Variants in PCDHA11 observed in about 807,000 individuals in gnomAD.
PCDHA11 encodes protocadherin alpha-11.
PCDHA11 carries 61 observed loss-of-function variants against 70.3 expected under a neutral mutation model. That is an observed-to-expected ratio of 0.87 (90% CI 0.71 to 1.07). The LOEUF (loss-of-function observed/expected upper bound fraction) is 1.07, where lower values mean the gene tolerates loss of function less well. Ranked by LOEUF, PCDHA11 falls within the 50% of genes least tolerant of loss-of-function variation. PCDHA11 has a pLI of 0.00. For synonymous variants in PCDHA11, 633 were observed against 555.1 expected, an observed-to-expected ratio of 1.14 and a Z score of -1.97; for missense variants, 1,324 against 1,237.5, an observed-to-expected ratio of 1.07 and a Z score of -1.05.
intron 3 of PCDHA11, among the ~76,000 whole-genome samples, chr5:140,997,260 T>G (rs1364203100): frequency 6.6e-6 from 1 of 152,196 alleles, no homozygotes; most frequent in Admixed American, 6.5e-5. Flanking sequence ...GGTTCACTCT[T>G]CCAAATATTT....
At chr5:140,932,967 T>C (rs367764644) in intron 1 of PCDHA11, among the ~76,000 whole-genome samples, 2 of 152,036 alleles carry the variant, frequency 1.3e-5, no homozygotes, top group South Asian at 2.1e-4. Context: ...TGCTGAAAGG[T>C]TTTTACAATG....
At chr5:140,875,935 G>A (rs781964808) in intron 1 of PCDHA11, 14 of 1,614,210 alleles carry the variant, frequency 8.7e-6, no homozygotes, top group African/African-American at 1.3e-5. Flanking sequence ...TTTTCCTCTA[G>A]AGGGCGCTTC....
chr5:140,928,829 T>C, intron 1 of PCDHA11: 1 of 1,614,170 alleles, frequency 6.2e-7, no homozygotes, highest in Non-Finnish European at 8.5e-7. Context: ...GACCCACCAC[T>C]TTCCTCCTCT....
At chr5:140,985,487 A>C (rs1554247112) in intron 3 of PCDHA11, among the ~76,000 whole-genome samples, 1 of 152,162 alleles carries the variant, frequency 6.6e-6, no homozygotes, top group Non-Finnish European at 1.5e-5. Context: ...TCCAGACTCA[A>C]ATAGAGCCTG....
chr5:140,969,074 C>T (rs782163688), intron 1 of PCDHA11: 3 of 1,614,142 alleles, frequency 1.9e-6, no homozygotes, highest in Non-Finnish European at 2.5e-6. Flanking sequence ...CAGGATACCG[C>T]ATGGCCTCAA....
intron 1 of PCDHA11, chr5:140,882,175 G>T: frequency 6.6e-7 from 1 of 1,515,152 alleles, no homozygotes; most frequent in Non-Finnish European, 8.8e-7. Flanking sequence ...GAATCCTTCC[G>T]CACTAGGAAG....
chr5:140,908,880 A>C (rs1342304863), intron 1 of PCDHA11, among the ~76,000 whole-genome samples: 1 of 152,204 alleles, frequency 6.6e-6, no homozygotes, highest in Non-Finnish European at 1.5e-5. Context: ...TCCAAAATCC[A>C]ATAGTCCCAA....
chr5:140,893,667 A>C (rs564806011), intron 1 of PCDHA11, among the ~76,000 whole-genome samples: 4 of 152,316 alleles, frequency 2.6e-5, no homozygotes, highest in African/African-American at 9.6e-5. Flanking sequence ...AAAAAATTTC[A>C]GCACTTTGGA....
At chr5:140,948,866 G>A (rs552659179) in intron 1 of PCDHA11, among the ~76,000 whole-genome samples, 32 of 151,022 alleles carry the variant, frequency 2.1e-4, no homozygotes, top group Non-Finnish European at 2.5e-4. Context: ...ATATTACTTC[G>A]GGTTTACTTT....
chr5:140,926,828 C>T (rs2083578925), intron 1 of PCDHA11: 1 of 1,501,376 alleles, frequency 6.7e-7, no homozygotes, highest in African/African-American at 1.4e-5. Flanking sequence ...TCCAGGAGTC[C>T]GGAGCATGGT....
intron 1 of PCDHA11, chr5:140,883,678 G>C: frequency 1.2e-6 from 2 of 1,613,902 alleles, no homozygotes; most frequent in Non-Finnish European, 1.7e-6. Context: ...ACAATCCGCC[G>C]GGCTGCCACA....
chr5:140,876,953 T>G (rs1455444799), intron 1 of PCDHA11: 6 of 1,613,306 alleles, frequency 3.7e-6, no homozygotes, highest in African/African-American at 1.3e-5. Flanking sequence ...TCCTACTCGC[T>G]GGTGGAGCGG....
chr5:140,930,394 T>C (rs531643898), intron 1 of PCDHA11: 1 of 145,356 alleles, frequency 6.9e-6, no homozygotes, highest in South Asian at 2.2e-4. Flanking sequence ...TCAAAACTTC[T>C]TTTTTTTTTT....
At chr5:141,001,144 C>T (rs1225047253) in intron 3 of PCDHA11, among the ~76,000 whole-genome samples, 3 of 151,960 alleles carry the variant, frequency 2.0e-5, no homozygotes, top group Non-Finnish European at 4.4e-5. Context: ...TCTTCTGTTG[C>T]TCTGATCTTA....
intron 1 of PCDHA11, chr5:140,882,963 T>C (rs2059384915): frequency 3.7e-6 from 6 of 1,614,088 alleles, no homozygotes; most frequent in Admixed American, 1.7e-5. Context: ...CTCATCACGA[T>C]TCTGGACGTG....
In PCDHA11 at chr5:140,929,054, C is replaced by T. The variant is rs782514800; in HGVS notation, c.2392-49895C>T. 27 of 1,614,056 alleles carry T rather than the reference C, an allele frequency of 1.7e-5. No individual in the cohort carries two copies. The highest frequency in any genetic ancestry group is 2.1e-5 in the Non-Finnish European group (25 of 1,180,042). ...TGTTGCGCTCAGAGCTGCTGTCGCT[C>T]TACAGAGGATCTGAGGTATGGAAGT... is the stretch of plus-strand genomic sequence containing the variant. On this transcript the variant is annotated intron_variant, in intron 1 of 3. Coordinates refer to ENST00000398640, the MANE Select transcript of PCDHA11 (RefSeq NM_018902.5).
chr5:140,997,668 TTGTG>T lies in PCDHA11; in HGVS notation c.2540-11933_2540-11930del, dbSNP rs35184029. On this transcript the variant is annotated intron_variant, in intron 3 of 3. Coordinates refer to ENST00000398640, the MANE Select transcript of PCDHA11 (RefSeq NM_018902.5). ...AATGCAATATGTATTATTATACAGC[TTGTG>T]TGTGTGTGTGTGTGTGTGTGTGTGT... Among the ~76,000 whole-genome samples, 716 of 148,202 alleles carry T rather than the reference TTGTG, an allele frequency of 4.8e-3. 2 individuals carry two copies. The highest frequency in any genetic ancestry group is 0.01 in the Middle Eastern group (3 of 294).
chr5:140,929,046 C>T, intron 1 of PCDHA11: 3 of 1,614,206 alleles, frequency 1.9e-6, no homozygotes, highest in Non-Finnish European at 2.5e-6. Context: ...CTCAGAGCTG[C>T]TGTCGCTCTA....
intron 1 of PCDHA11, chr5:140,969,060 A>T (rs2096292130): frequency 6.2e-7 from 1 of 1,614,012 alleles, no homozygotes. Context: ...AACAATATTG[A>T]TGCCAGGATA....
Sources: gnomAD v4.1 joint callset for allele counts (sites outside exome capture counted in the v4.1 genomes callset) on GRCh38, gnomAD v4.1.1 for gene constraint, MANE v1.5 for transcripts, NCBI Gene and HGNC (gene_info 2026-07-23, HGNC 2026-07-21) for gene names.